Variants in ADGRL2 observed in about 807,000 individuals in gnomAD.
ADGRL2 encodes calcium-independent alpha-latrotoxin receptor 2.
ADGRL2 carries 44 observed loss-of-function variants against 157.4 expected under a neutral mutation model. The observed-to-expected ratio is 0.28, with a 90% confidence interval of 0.22 to 0.36. ADGRL2 has a LOEUF of 0.36. Among genes scored for constraint, ADGRL2 ranks in the 10% least tolerant of loss-of-function variants. The pLI is 1.00. For missense variants in ADGRL2, 1,510 were observed against 1,768.9 expected (o/e 0.85, Z 2.63); for synonymous variants, 585 against 624.7 (o/e 0.94, Z 0.95).
chr1:81,463,484 T>A (rs970626457), intron 2 of ADGRL2, among the ~76,000 whole-genome samples: 1 of 152,198 alleles, frequency 6.6e-6, no homozygotes, highest in Non-Finnish European at 1.5e-5. Flanking sequence ...AATTGAGAAC[T>A]TTTGTTACAA....
chr1:81,624,635 C>T (rs1467251194), intron 3 of ADGRL2, among the ~76,000 whole-genome samples: 1 of 151,872 alleles, frequency 6.6e-6, no homozygotes, highest in Admixed American at 6.6e-5. Context: ...GGAGAACATA[C>T]TGGTCAGAGA....
rs181395057 is a variant in ADGRL2 at position 81,555,391 on chromosome 1, C to G, written c.-247-25485C>G. Among the ~76,000 whole-genome samples the G allele has an allele frequency of 4.3e-3, 654 of 151,428 alleles. 7 individuals carry two copies. Among genetic ancestry groups the G allele is most frequent in the African/African-American group, 0.015 (634 of 41,258 alleles). On this transcript the variant is annotated intron_variant, in intron 2 of 24. Coordinates refer to the ADGRL2 transcript ENST00000370721. ...TCAAGCGATTCTCCTGCCTCAGCCT[C>G]CCAAGTAGCTGGGATTACAGGCACC...
intron 3 of ADGRL2, among the ~76,000 whole-genome samples, chr1:81,634,512 G>GT (rs58027766): frequency 1.1e-3 from 159 of 140,164 alleles, no homozygotes; most frequent in East Asian, 0.01. Flanking sequence ...TAGCTATCTT[G>GT]TTTTTTTTTT....
chr1:81,424,775 C>T (rs928247372), intron 1 of ADGRL2, among the ~76,000 whole-genome samples: 17 of 152,106 alleles, frequency 1.1e-4, no homozygotes, highest in African/African-American at 4.1e-4. Context: ...TAAAAGTCTG[C>T]CCAGTTACCT....
At chr1:81,816,170 G>T (rs940690712) in intron 1 of ADGRL2, among the ~76,000 whole-genome samples, 5 of 151,730 alleles carry the variant, frequency 3.3e-5, no homozygotes, top group Non-Finnish European at 5.9e-5. Flanking sequence ...TATCAAGGTT[G>T]CAGTTAATTC....
chr1:81,679,888 TAA>T (rs992102936), intron 3 of ADGRL2, among the ~76,000 whole-genome samples: 1 of 152,184 alleles, frequency 6.6e-6, no homozygotes, highest in African/African-American at 2.4e-5. Context: ...GGGAACCTCG[TAA>T]AATGGTTCTT....
chr1:81,463,008 A>G (rs1170356459), intron 2 of ADGRL2, among the ~76,000 whole-genome samples: 1 of 151,334 alleles, frequency 6.6e-6, no homozygotes, highest in East Asian at 2.0e-4. Context: ...TCAGGTACTC[A>G]GAAGGCTGAG....
At chr1:81,951,702 G>A (rs1557984685) in intron 8 of ADGRL2, among the ~76,000 whole-genome samples, 1 of 152,028 alleles carries the variant, frequency 6.6e-6, no homozygotes, top group Non-Finnish European at 1.5e-5. Context: ...TGAGAGAACT[G>A]GCTGAAATTT....
At chr1:81,311,113 A>T (rs766897750) in intron 1 of ADGRL2, among the ~76,000 whole-genome samples, 11 of 152,204 alleles carry the variant, frequency 7.2e-5, no homozygotes, top group Non-Finnish European at 1.3e-4. Flanking sequence ...TCTGAAATGT[A>T]TTAGCAATCA....
rs149369182 is a variant in ADGRL2, at chr1:81,440,996, G to T, written c.-301-4040G>T. ...AAACATAACAAGAAGCATTCTTCTAGAGTTAGACATTCATAACACATGTTT... is the reference window on the plus strand; with the variant it reads ...AAACATAACAAGAAGCATTCTTCTATAGTTAGACATTCATAACACATGTTT... On this transcript the variant is annotated intron_variant, in intron 1 of 24. Coordinates refer to the ADGRL2 transcript ENST00000370721. Among the ~76,000 whole-genome samples, 143 of 152,194 alleles carry T rather than the reference G, an allele frequency of 9.4e-4. No individual in the cohort carries two copies. In the Middle Eastern group the frequency reaches 0.014, roughly 14 times the overall value.
intron 1 of ADGRL2, among the ~76,000 whole-genome samples, chr1:81,367,634 C>A (rs907140031): frequency 6.6e-6 from 1 of 152,096 alleles, no homozygotes; most frequent in African/African-American, 2.4e-5. Context: ...ATCACTGCAA[C>A]CTCTGCCTCC....
intron 1 of ADGRL2, among the ~76,000 whole-genome samples, chr1:81,804,751 C>T (rs1455387066): frequency 6.6e-6 from 1 of 152,150 alleles, no homozygotes; most frequent in Non-Finnish European, 1.5e-5. Flanking sequence ...GTGAGAAAGC[C>T]TTTCCTTCTA....
At chr1:81,944,484 A>C (rs2148971547) in intron 6 of ADGRL2, among the ~76,000 whole-genome samples, 1 of 152,208 alleles carries the variant, frequency 6.6e-6, no homozygotes, top group African/African-American at 2.4e-5. Context: ...TGGTTTATTA[A>C]GTGAGTTCAG....
intron 3 of ADGRL2, among the ~76,000 whole-genome samples, chr1:81,612,259 C>A (rs1327496172): frequency 1.3e-5 from 2 of 152,096 alleles, no homozygotes; most frequent in Non-Finnish European, 2.9e-5. Flanking sequence ...AATGGAAATG[C>A]AAAGAAGTGA....
chr1:81,547,911 C>T (rs1225285636), intron 2 of ADGRL2, among the ~76,000 whole-genome samples: 2 of 152,192 alleles, frequency 1.3e-5, no homozygotes, highest in Non-Finnish European at 2.9e-5. Context: ...ACAATATTAG[C>T]TTCTTACTAT....
At chr1:81,334,053 T>TA (rs1244268914) in intron 1 of ADGRL2, among the ~76,000 whole-genome samples, 2 of 152,222 alleles carry the variant, frequency 1.3e-5, no homozygotes, top group African/African-American at 4.8e-5. Context: ...CTTTAAGAAA[T>TA]AAAACAAATA....
intron 1 of ADGRL2, among the ~76,000 whole-genome samples, chr1:81,719,956 A>G (rs999964363): frequency 5.9e-5 from 9 of 151,936 alleles, no homozygotes; most frequent in Non-Finnish European, 1.2e-4. Flanking sequence ...ATGTCCAGGT[A>G]CCACATTCCA....
At chr1:81,495,642 T>C (rs962164243) in intron 2 of ADGRL2, among the ~76,000 whole-genome samples, 1 of 152,156 alleles carries the variant, frequency 6.6e-6, no homozygotes, top group East Asian at 1.9e-4. Flanking sequence ...GCAGAAATCA[T>C]TGAAACAGCA....
intron 2 of ADGRL2, among the ~76,000 whole-genome samples, chr1:81,839,242 C>T (rs1054072130): frequency 2.6e-5 from 4 of 151,970 alleles, no homozygotes; most frequent in African/African-American, 9.7e-5. Flanking sequence ...TAGGTTCTTG[C>T]AGGTAAACTC....
Sources: gnomAD v4.1 joint callset for allele counts (sites outside exome capture counted in the v4.1 genomes callset) on GRCh38, gnomAD v4.1.1 for gene constraint, MANE v1.5 for transcripts, NCBI Gene and HGNC (gene_info 2026-07-23, HGNC 2026-07-21) for gene names.